NRG1: variants seen among roughly 807,000 people sequenced by gnomAD.
NRG1 encodes the protein neuregulin 1, also known as pro-neuregulin-1, membrane-bound isoform.
In NRG1, 18 loss-of-function variants were observed where a neutral mutation model predicts 63.8. The ratio of observed to expected loss-of-function variants is 0.28; its 90% confidence interval spans 0.19 to 0.42. The LOEUF is 0.42. Ranked by LOEUF, NRG1 falls within the 10% of genes least tolerant of loss-of-function variation. The pLI, the probability that NRG1 is intolerant of heterozygous loss-of-function variation, is 1.00. For synonymous variants in NRG1, 302 were observed against 301.3 expected (o/e 1.00, Z -0.02); for missense variants, 762 against 814.7 (o/e 0.94, Z 0.79).
intron 1 of NRG1, among the ~76,000 whole-genome samples, chr8:32,124,428 A>G (rs894563992): frequency 6.6e-6 from 1 of 151,970 alleles, no homozygotes; most frequent in East Asian, 1.9e-4. Context: ...CCCAACAAAC[A>G]GTGAACTCAC....
At chr8:32,754,466 C>T (rs754450122) in exon 8 of NRG1, 4 of 1,613,674 alleles carry the variant, frequency 2.5e-6, no homozygotes, top group South Asian at 2.2e-5. Context: ...TGGCCTACTG[C>T]AAAACCAAGT....
At chr8:32,599,235 TACTTG>T (rs1843894185) in intron 2 of NRG1, among the ~76,000 whole-genome samples, 1 of 152,152 alleles carries the variant, frequency 6.6e-6, no homozygotes, top group Non-Finnish European at 1.5e-5. Flanking sequence ...GTTAGTTGGT[TACTTG>T]ACTTAAACTT....
chr8:32,277,656 A>T (rs1187659936), intron 1 of NRG1, among the ~76,000 whole-genome samples: 1 of 152,148 alleles, frequency 6.6e-6, no homozygotes, highest in East Asian at 1.9e-4. Context: ...CCATCAAGGG[A>T]TATTTAACAA....
At chr8:31,829,942 G>T (rs1824947022) in intron 1 of NRG1, among the ~76,000 whole-genome samples, 1 of 152,154 alleles carries the variant, frequency 6.6e-6, no homozygotes, top group Non-Finnish European at 1.5e-5. Flanking sequence ...AAATTTCACT[G>T]TACACCACTT....
At chr8:32,379,015 A>G (rs902213792) in intron 1 of NRG1, among the ~76,000 whole-genome samples, 151 of 152,162 alleles carry the variant, frequency 9.9e-4, no homozygotes, top group African/African-American at 3.5e-3. Context: ...AATCCGGTCT[A>G]TCATTGTTGG....
At chr8:32,055,193 C>T (rs1050589746) in intron 1 of NRG1, among the ~76,000 whole-genome samples, 1 of 152,002 alleles carries the variant, frequency 6.6e-6, no homozygotes, top group Middle Eastern at 3.2e-3. Flanking sequence ...TTTGCACTAG[C>T]TGAATGTTGT....
chr8:32,534,148 T>C (rs1831731601), intron 1 of NRG1, among the ~76,000 whole-genome samples: 2 of 152,032 alleles, frequency 1.3e-5, no homozygotes, highest in Non-Finnish European at 2.9e-5. Context: ...ATACTCAGAA[T>C]ATGGTAATGA....
At chr8:32,289,866 C>G (rs371429085) in intron 1 of NRG1, among the ~76,000 whole-genome samples, 1 of 152,046 alleles carries the variant, frequency 6.6e-6, no homozygotes, top group African/African-American at 2.4e-5. Flanking sequence ...ATCATTTACT[C>G]GATTTAACAT....
chr8:32,144,182 A>G (rs78921345), intron 1 of NRG1, among the ~76,000 whole-genome samples: 6,744 of 152,274 alleles, frequency 0.044, 280 homozygotes, highest in African/African-American at 0.11. Context: ...CAAGCCGACC[A>G]TGATCTGCTG....
rs115295841 is a variant in NRG1 at position 31,771,520 on chromosome 8, G to A, written c.37+132089G>A. Among the ~76,000 whole-genome samples the A allele has an allele frequency of 0.01, 1,539 of 152,202 alleles. 49 individuals carry two copies. The South Asian group carries it at 0.12, about 11-fold the overall frequency. On this transcript the variant is annotated intron_variant, in intron 1 of 10. Coordinates refer to the NRG1 transcript ENST00000519301. ...CCATGTGGAATTAATTTCTAGAAGC[G>A]TGAAGAACAGGTTACCAGTTCTCCC...
At chr8:32,553,647 G>A (rs549811010) in intron 1 of NRG1, among the ~76,000 whole-genome samples, 1 of 152,190 alleles carries the variant, frequency 6.6e-6, no homozygotes, top group South Asian at 2.1e-4. Context: ...AAGAGTTGAT[G>A]CTTAAACCTC....
At chr8:31,875,060 G>C (rs1016001951) in intron 1 of NRG1, among the ~76,000 whole-genome samples, 3 of 152,164 alleles carry the variant, frequency 2.0e-5, no homozygotes, top group Non-Finnish European at 2.9e-5. Context: ...AAAACAAAGA[G>C]AGTGGCCATC....
chr8:31,759,427 G>A (rs1817308213), intron 1 of NRG1, among the ~76,000 whole-genome samples: 1 of 151,738 alleles, frequency 6.6e-6, no homozygotes, highest in African/African-American at 2.4e-5. Flanking sequence ...ATAGTATAAG[G>A]TCAAGATTAA....
At chr8:32,304,625 T>G (rs1855984416) in intron 1 of NRG1, among the ~76,000 whole-genome samples, 1 of 152,178 alleles carries the variant, frequency 6.6e-6, no homozygotes, top group Non-Finnish European at 1.5e-5. Context: ...GGCTGAAATA[T>G]TTAATATAAA....
At chr8:31,981,826 C>CA (rs553123118) in intron 1 of NRG1, among the ~76,000 whole-genome samples, 77 of 148,304 alleles carry the variant, frequency 5.2e-4, no homozygotes, top group South Asian at 1.3e-3. Flanking sequence ...TAAGAGCTTA[C>CA]AAAAAAAAAG....
chr8:32,251,298 A>C (rs548002211), intron 1 of NRG1, among the ~76,000 whole-genome samples: 2 of 152,256 alleles, frequency 1.3e-5, no homozygotes, highest in East Asian at 3.9e-4. Flanking sequence ...ATGAGTAAGA[A>C]TATGCAGTGT....
chr8:32,184,161 G>A (rs1325613960), intron 1 of NRG1, among the ~76,000 whole-genome samples: 1 of 151,898 alleles, frequency 6.6e-6, no homozygotes, highest in African/African-American at 2.4e-5. Flanking sequence ...GAGAGTACAT[G>A]TACATATATG....
At chr8:31,815,184 T>C (rs1823317350) in intron 1 of NRG1, among the ~76,000 whole-genome samples, 1 of 152,186 alleles carries the variant, frequency 6.6e-6, no homozygotes, top group African/African-American at 2.4e-5. Context: ...TCCATTGCCA[T>C]AGCTCCTTTA....
At chr8:31,735,857 A>G (rs1289730913) in intron 1 of NRG1, among the ~76,000 whole-genome samples, 3 of 152,166 alleles carry the variant, frequency 2.0e-5, no homozygotes, top group Non-Finnish European at 2.9e-5. Flanking sequence ...TATCCCATCC[A>G]TAAGAAATTC....
Sources: gnomAD v4.1 joint callset for allele counts (sites outside exome capture counted in the v4.1 genomes callset) on GRCh38, gnomAD v4.1.1 for gene constraint, MANE v1.5 for transcripts, NCBI Gene and HGNC (gene_info 2026-07-23, HGNC 2026-07-21) for gene names.